The following KAZN variants were observed in gnomAD, a reference collection of about 807,000 sequenced individuals.
The protein encoded by KAZN is kazrin, periplakin interacting protein.
A neutral mutation model predicts 87.4 loss-of-function variants in KAZN; 40 were observed. The observed-to-expected ratio is 0.46, with a 90% CI of 0.36 to 0.60. KAZN has a LOEUF of 0.60. Ranked by LOEUF, KAZN falls within the 20% of genes least tolerant of loss-of-function variation. KAZN has a pLI of 0.00. For missense variants in KAZN, 898 were observed against 1,073.9 expected (o/e 0.84, Z 2.29); for synonymous variants, 466 against 458.3 (o/e 1.02, Z -0.22).
At chr1:14,219,596 A>C (rs905288527) in intron 2 of KAZN, among the ~76,000 whole-genome samples, 4 of 152,248 alleles carry the variant, frequency 2.6e-5, no homozygotes, top group African/African-American at 9.6e-5. Flanking sequence ...TGAATAACCA[A>C]CTCTTTTGGG....
At chr1:14,812,181 C>T (rs1264452255) in intron 1 of KAZN, among the ~76,000 whole-genome samples, 1 of 152,184 alleles carries the variant, frequency 6.6e-6, no homozygotes, top group East Asian at 1.9e-4. Flanking sequence ...GGATTAGTCT[C>T]TTCTGGCAGG....
intron 1 of KAZN, among the ~76,000 whole-genome samples, chr1:14,119,380 A>T (rs1284069303): frequency 6.6e-6 from 1 of 152,182 alleles, no homozygotes; most frequent in Non-Finnish European, 1.5e-5. Flanking sequence ...TTTCCTGCTC[A>T]GACAGTTCGC....
chr1:14,054,664 C>T (rs979137841), intron 1 of KAZN, among the ~76,000 whole-genome samples: 1 of 151,940 alleles, frequency 6.6e-6, no homozygotes, highest in African/African-American at 2.4e-5. Context: ...GTGACAAAGG[C>T]CAAAAGGGAG....
At chr1:14,672,593 TG>T (rs1197511715) in intron 1 of KAZN, among the ~76,000 whole-genome samples, 1 of 152,078 alleles carries the variant, frequency 6.6e-6, no homozygotes, top group African/African-American at 2.4e-5. Context: ...GGCACTTAGG[TG>T]TGGGTGGAAG....
chr1:14,420,327 C>G (rs1283128776), intron 2 of KAZN, among the ~76,000 whole-genome samples: 2 of 152,194 alleles, frequency 1.3e-5, no homozygotes, highest in Admixed American at 6.5e-5. Flanking sequence ...AAACCTTGAG[C>G]TAGACACAGG....
At chr1:15,064,702 A>G (rs1024303819) in intron 7 of KAZN, among the ~76,000 whole-genome samples, 2 of 152,202 alleles carry the variant, frequency 1.3e-5, no homozygotes, top group Non-Finnish European at 2.9e-5. Flanking sequence ...GTACCAAGCC[A>G]TTGCCTTCGG....
chr1:14,725,469 T>G (rs1643333224), intron 1 of KAZN, among the ~76,000 whole-genome samples: 1 of 152,068 alleles, frequency 6.6e-6, no homozygotes, highest in Non-Finnish European at 1.5e-5. Context: ...TCTTTTTTTT[T>G]TTTTCTTTCT....
rs182308302 is a variant in KAZN at position 15,021,073 on chromosome 1, C to T, written c.419-13676C>T. On this transcript the variant is annotated intron_variant, in intron 2 of 14. Coordinates refer to ENST00000376030, the MANE Select transcript of KAZN (RefSeq NM_201628.3). The surrounding 1 kb of genome is among the most constrained non-coding windows in gnomAD (Gnocchi z 4.2). ...TCACTAGGCACCCAGGGCAGCTTCC[C>T]GATGGACAGTCTTGAGTAGGACACC... 2.0e-5 allele frequency among the ~76,000 whole-genome samples: 3 copies of T among 152,252 alleles called. No individual in the cohort carries two copies. Among genetic ancestry groups the T allele is most frequent in the Non-Finnish European group, 4.4e-5 (3 of 68,020 alleles).
intron 1 of KAZN, among the ~76,000 whole-genome samples, chr1:13,978,879 T>C (rs1388695962): frequency 1.3e-5 from 2 of 151,308 alleles, no homozygotes; most frequent in Non-Finnish European, 2.9e-5. Flanking sequence ...GGTGGGAGGA[T>C]CGCTTGAGCT....
intron 1 of KAZN, among the ~76,000 whole-genome samples, chr1:14,714,052 A>G (rs137861629): frequency 4.1e-4 from 62 of 152,332 alleles, no homozygotes; most frequent in African/African-American, 1.3e-3. Flanking sequence ...AAGTTTCATT[A>G]GATCCATTTT....
chr1:14,265,739 A>G (rs2100664654), intron 2 of KAZN, among the ~76,000 whole-genome samples: 1 of 152,350 alleles, frequency 6.6e-6, no homozygotes, highest in South Asian at 2.1e-4. Context: ...TAATTCATCA[A>G]AGATGACATC....
intron 1 of KAZN, chr1:14,924,247 A>G (rs1658878155): frequency 2.0e-6 from 2 of 977,592 alleles, no homozygotes; most frequent in Non-Finnish European, 2.4e-6. Context: ...GCCGGGCGGG[A>G]GGCGGGGGCG....
At chr1:14,758,329 C>T (rs1644633509) in intron 1 of KAZN, among the ~76,000 whole-genome samples, 1 of 105,914 alleles carries the variant, frequency 9.4e-6, no homozygotes. Flanking sequence ...CCACACCCAA[C>T]TAATATTTAT....
At chr1:14,459,215 G>T (rs748335335) in intron 2 of KAZN, among the ~76,000 whole-genome samples, 3 of 151,986 alleles carry the variant, frequency 2.0e-5, no homozygotes, top group African/African-American at 7.3e-5. Flanking sequence ...CAGACCTCCT[G>T]CTGGCCTAGG....
At chr1:14,804,876 G>A (rs1362469422) in intron 1 of KAZN, among the ~76,000 whole-genome samples, 2 of 152,230 alleles carry the variant, frequency 1.3e-5, no homozygotes, top group East Asian at 1.9e-4. Flanking sequence ...CAGAGGGACA[G>A]CTAGGCGTAA....
intron 1 of KAZN, among the ~76,000 whole-genome samples, chr1:14,728,174 T>G (rs1347163060): frequency 6.6e-6 from 1 of 150,520 alleles, no homozygotes; most frequent in Non-Finnish European, 1.5e-5. Context: ...TAATCCCAGC[T>G]ACTCGGGAGG....
chr1:14,682,392 A>G (rs1426216655), intron 1 of KAZN, among the ~76,000 whole-genome samples: 2 of 151,842 alleles, frequency 1.3e-5, no homozygotes, highest in African/African-American at 4.8e-5. Flanking sequence ...GGCTCAAGCA[A>G]TCCTCCAGCC....
At chr1:14,173,997 A>G (rs1466335737) in intron 1 of KAZN, among the ~76,000 whole-genome samples, 2 of 152,252 alleles carry the variant, frequency 1.3e-5, no homozygotes, top group African/African-American at 4.8e-5. Context: ...CCAGCATTGA[A>G]TATTTGGTCT....
chr1:14,057,898 A>G (rs1169268712), intron 1 of KAZN, among the ~76,000 whole-genome samples: 3 of 152,238 alleles, frequency 2.0e-5, no homozygotes, highest in Non-Finnish European at 4.4e-5. Context: ...TAATGTGACT[A>G]GAGTGCTGGA....
Sources: allele counts gnomAD v4.1 joint callset (sites outside exome capture counted in the v4.1 genomes callset), GRCh38; gene constraint gnomAD v4.1.1; non-coding constraint Gnocchi (gnomAD v3.1); transcripts MANE v1.5; gene names NCBI Gene and HGNC (gene_info 2026-07-23, HGNC 2026-07-21).